The following PTK2 variants were observed in gnomAD, a reference collection of about 807,000 sequenced individuals.
PTK2 encodes the protein focal adhesion kinase 1.
PTK2 carries 45 observed loss-of-function variants against 150.1 expected under a neutral mutation model. The observed-to-expected ratio is 0.30, with a 90% CI of 0.24 to 0.38. The LOEUF is 0.38. PTK2 is among the 10% of genes least tolerant of loss of function. The probability of loss-of-function intolerance (pLI) is 1.00; values close to 1 mark genes in which losing one functional copy is unlikely to be tolerated. For synonymous variants in PTK2, 432 were observed against 449.2 expected, an observed-to-expected ratio of 0.96 and a Z score of 0.48; for missense variants, 919 against 1,307.3, an observed-to-expected ratio of 0.70 and a Z score of 4.58.
At chr8:140,831,320 G>A (rs1437957236) in intron 7 of PTK2, among the ~76,000 whole-genome samples, 2 of 152,118 alleles carry the variant, frequency 1.3e-5, no homozygotes, top group African/African-American at 4.8e-5. Flanking sequence ...TGCCTCTGAC[G>A]ACATTAAGGA....
chr8:140,843,692 G>A (rs1205780564), intron 7 of PTK2, among the ~76,000 whole-genome samples: 1 of 151,888 alleles, frequency 6.6e-6, no homozygotes, highest in Admixed American at 6.6e-5. Context: ...TCTCCCATCA[G>A]GTTTTTTTTA....
chr8:140,887,127 G>A (rs757547571), intron 3 of PTK2, among the ~76,000 whole-genome samples: 4 of 152,164 alleles, frequency 2.6e-5, no homozygotes, highest in Non-Finnish European at 5.9e-5. Flanking sequence ...GTGCGATTTT[G>A]TAATAATAAC....
At chr8:140,937,793 T>C (rs2100174199) in intron 1 of PTK2, among the ~76,000 whole-genome samples, 1 of 152,088 alleles carries the variant, frequency 6.6e-6, no homozygotes, top group Admixed American at 6.6e-5. Flanking sequence ...ATATAGAATA[T>C]GATTCAGTTG....
At chr8:140,801,301 A>G (rs908764133) in intron 11 of PTK2, among the ~76,000 whole-genome samples, 4 of 152,244 alleles carry the variant, frequency 2.6e-5, no homozygotes, top group African/African-American at 9.6e-5. Context: ...TTTACACACC[A>G]GCACAACCGT....
chr8:140,907,153 A>T (rs1429996028), intron 2 of PTK2, among the ~76,000 whole-genome samples: 1 of 152,218 alleles, frequency 6.6e-6, no homozygotes. Context: ...TATATTAGAC[A>T]TTCCAACACA....
In PTK2 at chr8:140,746,747, G is replaced by T; in HGVS notation, c.1518+13C>A. Reference sequence around the variant, plus strand: ...CGCTGAGTCCAGAAGGTAAGATTTGGGGATCACAGTACCTCTCCAAGTGTG... The same window carrying T: ...CGCTGAGTCCAGAAGGTAAGATTTGTGGATCACAGTACCTCTCCAAGTGTG... On this transcript the variant is annotated intron_variant, in intron 18 of 31. Transcript: ENST00000522684. 6.4e-7 allele frequency: 1 copy of T among 1,573,494 alleles called. No homozygotes were observed. The highest frequency in any genetic ancestry group is 8.7e-7 in the Non-Finnish European group (1 of 1,152,356).
intron 2 of PTK2, among the ~76,000 whole-genome samples, chr8:140,902,162 T>C (rs1255552481): frequency 2.0e-5 from 3 of 152,060 alleles, no homozygotes; most frequent in African/African-American, 7.2e-5. Context: ...GCCTCCTGGG[T>C]AGCTGGGATT....
rs572334481 is a variant in PTK2, at chr8:140,972,220, AT to A, written c.-122+28904del. 4.7e-3 allele frequency among the ~76,000 whole-genome samples: 721 copies of A among 152,136 alleles called. 5 individuals carry two copies. The highest frequency in any genetic ancestry group is 0.016 in the African/African-American group (661 of 41,522). On this transcript the variant is annotated intron_variant, in intron 1 of 31. Coordinates refer to ENST00000522684, the Ensembl canonical transcript of PTK2. ...AATCCATTCCTCTCATTAGACCTGT[AT>A]TTTTTTAATTATGCTCAATTGTTTT...
chr8:140,763,930 T>C (rs549932989), intron 15 of PTK2, among the ~76,000 whole-genome samples: 3 of 152,226 alleles, frequency 2.0e-5, no homozygotes, highest in African/African-American at 7.2e-5. Flanking sequence ...TAACCAATAA[T>C]ACTAATTTTC....
At chr8:140,925,606 T>C (rs144184432) in intron 2 of PTK2, 55 bp downstream of exon 2, 2 of 959,404 alleles carry the variant, frequency 2.1e-6, no homozygotes, top group East Asian at 2.3e-4. Flanking sequence ...TTCCAAAAGG[T>C]GACAGTACTG....
At chr8:140,932,347 T>A (rs751617964) in intron 1 of PTK2, among the ~76,000 whole-genome samples, 2 of 152,154 alleles carry the variant, frequency 1.3e-5, no homozygotes, top group Non-Finnish European at 2.9e-5. Context: ...CCCAAGTAGC[T>A]GGGATCACAG....
chr8:140,811,771 C>T (rs2154601152), intron 10 of PTK2, among the ~76,000 whole-genome samples: 1 of 152,222 alleles, frequency 6.6e-6, no homozygotes, highest in Admixed American at 6.5e-5. Flanking sequence ...CATAATGCAA[C>T]CGTAAGTATT....
upstream of PTK2, chr8:141,001,384 C>T (rs1383432071): frequency 6.6e-6 from 1 of 151,048 alleles, no homozygotes; most frequent in Non-Finnish European, 1.5e-5. Flanking sequence ...GGAGTTCCCG[C>T]CTCTCGGGGG....
intron 21 of PTK2, among the ~76,000 whole-genome samples, chr8:140,738,166 G>T (rs4961289): frequency 0.58 from 88,237 of 151,898 alleles, 27,281 homozygotes; most frequent in African/African-American, 0.79. Flanking sequence ...AACATGAGTG[G>T]TATGACAAAG....
In PTK2 at chr8:140,775,029, T is replaced by C. The variant is rs147557834; in HGVS notation, c.1178-10739A>G. On this transcript the variant is annotated intron_variant, in intron 14 of 31. Coordinates refer to ENST00000522684, the Ensembl canonical transcript of PTK2. ...GCAGCCCACACTGCTGCTCTGCCTATGGAGTAGCCATTCTTTTATTCCTTT... is the reference window on the plus strand; with the variant it reads ...GCAGCCCACACTGCTGCTCTGCCTACGGAGTAGCCATTCTTTTATTCCTTT... Among the ~76,000 whole-genome samples the C allele has an allele frequency of 2.3e-3, 350 of 152,372 alleles. 8 individuals carry two copies. In the East Asian group the frequency reaches 0.062, roughly 27 times the overall value.
chr8:140,920,769 G>C (rs997455739), intron 2 of PTK2: 1 of 1,392,044 alleles, frequency 7.2e-7, no homozygotes, highest in Non-Finnish European at 9.3e-7. Flanking sequence ...CGGTGCAAAA[G>C]CATGAATTCA....
intron 13 of PTK2, among the ~76,000 whole-genome samples, chr8:140,791,803 CA>C: frequency 6.6e-6 from 1 of 151,744 alleles, no homozygotes; most frequent in Non-Finnish European, 1.5e-5. Context: ...GGCCTTCAGG[CA>C]AAAGACAGGA....
At chr8:140,771,699 A>G (rs1214689361) in intron 14 of PTK2, among the ~76,000 whole-genome samples, 2 of 152,238 alleles carry the variant, frequency 1.3e-5, no homozygotes, top group East Asian at 3.8e-4. Flanking sequence ...TGACATTGTC[A>G]ATATATTAGC....
chr8:140,907,886 A>T (rs1225408200), intron 2 of PTK2, among the ~76,000 whole-genome samples: 1 of 151,936 alleles, frequency 6.6e-6, no homozygotes, highest in Non-Finnish European at 1.5e-5. Context: ...CTCCCTATTC[A>T]GAGACACAAT....
Sources: gnomAD v4.1 joint callset for allele counts (sites outside exome capture counted in the v4.1 genomes callset) on GRCh38, gnomAD v4.1.1 for gene constraint, MANE v1.5 for transcripts, NCBI Gene and HGNC (gene_info 2026-07-23, HGNC 2026-07-21) for gene names.